The following WDR62 variants were observed in gnomAD, a reference collection of about 807,000 sequenced individuals.
WDR62 encodes the protein WD repeat-containing protein 62.
WDR62 carries 112 observed loss-of-function variants against 160.6 expected under a neutral mutation model. That is an observed-to-expected ratio of 0.70 (90% CI 0.60 to 0.82). The LOEUF is 0.82. WDR62 is among the 40% of genes least tolerant of loss of function. WDR62 has a pLI of 0.00. For missense variants in WDR62, 1,819 were observed against 1,983.8 expected (o/e 0.92, Z 1.58); for synonymous variants, 792 against 815.1 (o/e 0.97, Z 0.48).
chr19:36,106,006 C>CG (rs1194449823), downstream of WDR62, among the ~76,000 whole-genome samples: 1 of 152,116 alleles, frequency 6.6e-6, no homozygotes, highest in African/African-American at 2.4e-5. Flanking sequence ...GCCAAAACCC[C>CG]GTCTCTTTAA....
chr19:36,106,879 CAG>C (rs1973726442), downstream of WDR62, among the ~76,000 whole-genome samples: 1 of 152,198 alleles, frequency 6.6e-6, no homozygotes, highest in Non-Finnish European at 1.5e-5. Context: ...GACTCTGCCT[CAG>C]GGAGTCCAGG....
intron 7 of WDR62, among the ~76,000 whole-genome samples, chr19:36,069,357 C>T (rs183056083): frequency 0.027 from 3,945 of 147,860 alleles, 181 homozygotes; most frequent in African/African-American, 0.093. Flanking sequence ...CAGACAGGGT[C>T]GCGGCCGGGT....
intron 7 of WDR62, among the ~76,000 whole-genome samples, chr19:36,069,552 G>A (rs1341288945): frequency 2.0e-5 from 3 of 151,870 alleles, no homozygotes; most frequent in Non-Finnish European, 2.9e-5. Context: ...GACGATGGGC[G>A]GCCAGGCAGA....
chr19:36,080,784 C>T (rs1971851076), intron 9 of WDR62, among the ~76,000 whole-genome samples: 1 of 152,106 alleles, frequency 6.6e-6, no homozygotes, highest in South Asian at 2.1e-4. Context: ...TTTCTAGAAG[C>T]TGTTCTGTTT....
At chr19:36,095,059 A>G (rs1297637014) in intron 20 of WDR62, among the ~76,000 whole-genome samples, 1 of 152,166 alleles carries the variant, frequency 6.6e-6, no homozygotes, top group Non-Finnish European at 1.5e-5. Flanking sequence ...CAATAATCAT[A>G]TCAGTCAAGA....
Position 36,067,499 on chromosome 19 carries a change from C to A in WDR62, c.699+56C>A. 16 of 1,610,128 alleles carry A rather than the reference C, an allele frequency of 9.9e-6. No individual in the cohort carries two copies. In the South Asian group the frequency reaches 1.8e-4, roughly 18 times the overall value. On this transcript the variant is annotated intron_variant, in intron 6 of 31. Transcript: ENST00000401500. ...GCCCTGAGGGAGTCACCATCGGTGG[C>A]AGCATGGTCTCCTGTTTCTCCCTGA...
chr19:36,102,080 T>C lies in WDR62; in HGVS notation c.3149T>C (p.Leu1050Pro), dbSNP rs1239046494. The C allele has an allele frequency of 7.4e-6, 12 of 1,614,054 alleles. No individual in the cohort carries two copies. Among genetic ancestry groups the C allele is most frequent in the Non-Finnish European group, 1.0e-5 (12 of 1,180,036 alleles). ...GGACCCAGCGTCCCCAGCAGCTCCCTACCCCAGACTCCGGAGCAGGAGAAG... is the reference window on the plus strand; with the variant it reads ...GGACCCAGCGTCCCCAGCAGCTCCCCACCCCAGACTCCGGAGCAGGAGAAG... ...PEGPSVPSSS[L>P]PQTPEQEKFL... The change falls in exon 26 of 32, where the codon CTA becomes CCA. Residue 1050 changes from leucine (L) to proline (P), a missense_variant. Coordinates refer to ENST00000401500, the MANE Select transcript of WDR62 (RefSeq NM_001083961.2).
chr19:36,079,542 C>T (rs1971771635), intron 9 of WDR62, among the ~76,000 whole-genome samples: 1 of 152,196 alleles, frequency 6.6e-6, no homozygotes, highest in East Asian at 1.9e-4. Flanking sequence ...CAGTGTGGAG[C>T]TTTGTCCTGG....
At chr19:36,061,399 A>G (rs1358255940) in intron 3 of WDR62, 1 of 152,218 alleles carries the variant, frequency 6.6e-6, no homozygotes, top group Non-Finnish European at 1.5e-5. Flanking sequence ...AACCAGAGTC[A>G]CACACACTTG....
At chr19:36,083,358 T>C in intron 11 of WDR62, 117 bp downstream of exon 11, 2 of 1,047,778 alleles carry the variant, frequency 1.9e-6, no homozygotes, top group Non-Finnish European at 2.9e-6. Context: ...AATGAGGGGC[T>C]GTGAATAGTA....
chr19:36,101,467 G>C (rs986521954), intron 24 of WDR62, 150 bp downstream of exon 24: 2 of 857,824 alleles, frequency 2.3e-6, no homozygotes, highest in Non-Finnish European at 3.8e-6. Context: ...GAGGATTCTG[G>C]GCCCAGCTGC....
chr19:36,070,186 G>A (rs532536290), intron 7 of WDR62: 4 of 135,418 alleles, frequency 3.0e-5, no homozygotes, highest in Non-Finnish European at 6.2e-5. Context: ...TTGAGATGGC[G>A]TCTCACTTGT....
chr19:36,071,534 G>A (rs1971299398), intron 7 of WDR62, 22 bp from the exon 8 acceptor site: 2 of 1,614,178 alleles, frequency 1.2e-6, no homozygotes, highest in East Asian at 2.2e-5. Flanking sequence ...CAAATCCACT[G>A]GGGTCCCTTT....
intron 16 of WDR62, among the ~76,000 whole-genome samples, chr19:36,090,860 C>T (rs1288126270): frequency 6.6e-6 from 1 of 152,240 alleles, no homozygotes; most frequent in South Asian, 2.1e-4. Flanking sequence ...TTCTCAGAGC[C>T]TCTGGTCTAG....
chr19:36,101,738 GC>G lies in WDR62; in HGVS notation c.3050del (p.Pro1017LeufsTer51). The G allele has an allele frequency of 6.4e-7, 1 of 1,551,928 alleles. No individual in the cohort carries two copies. Among genetic ancestry groups the G allele is most frequent in the Non-Finnish European group, 8.7e-7 (1 of 1,147,248 alleles). On this transcript the variant is annotated frameshift_variant, in exon 25 of 32. Transcript: ENST00000401500. LOFTEE classifies it high-confidence loss of function. The stretch of plus-strand genomic sequence containing the variant: ...CTCCCCAGCTCCGCCTCCTGACCCT[GC>G]CCCTCGGTTTGCCACGTCGCTGCCC... ...IHSPAPPPDP[A>X]PRFATSLPHF...
At chr19:36,077,359 C>G (rs1971634631) in intron 9 of WDR62, among the ~76,000 whole-genome samples, 1 of 145,226 alleles carries the variant, frequency 6.9e-6, no homozygotes, top group African/African-American at 2.5e-5. Flanking sequence ...CGGCTCACTG[C>G]AAGCTCCGCC....
Position 36,092,689 on chromosome 19 carries a change from C to T in WDR62, c.2211C>T (p.Ser737=). ...GTGTGTCTCTCTTTGACCTCCGCAG[C>T]TGCGTGTTCATCTGGCACCTGGGCC... ...CHHLITVSGD[S]CVFIWHLGPE... Residue 737 remains serine (S), a splice_region_variant and synonymous_variant, in exon 19 of 32, where the codon AGC becomes AGT. Coordinates refer to ENST00000401500, the MANE Select transcript of WDR62 (RefSeq NM_001083961.2). 1.2e-6 allele frequency: 2 copies of T among 1,614,144 alleles called. No individual in the cohort carries two copies. Among genetic ancestry groups the T allele is most frequent in the African/African-American group, 1.3e-5 (1 of 75,056 alleles).
At chr19:36,086,275 T>C (rs1471539718) in intron 12 of WDR62, among the ~76,000 whole-genome samples, 1 of 151,890 alleles carries the variant, frequency 6.6e-6, no homozygotes, top group Non-Finnish European at 1.5e-5. Flanking sequence ...AGGCAGTCAA[T>C]AGGACCTGAA....
chr19:36,088,334 G>C (rs1035089852), intron 13 of WDR62, among the ~76,000 whole-genome samples: 2 of 152,176 alleles, frequency 1.3e-5, no homozygotes, highest in African/African-American at 4.8e-5. Flanking sequence ...AATAATAAAA[G>C]CAAGAATGTT....
Sources: gnomAD v4.1 joint callset for allele counts (sites outside exome capture counted in the v4.1 genomes callset) on GRCh38, gnomAD v4.1.1 for gene constraint, MANE v1.5 for transcripts, NCBI Gene and HGNC (gene_info 2026-07-23, HGNC 2026-07-21) for gene names.